The following CDIP1 variants were observed in gnomAD, a reference collection of about 807,000 sequenced individuals.
The protein encoded by CDIP1 is cell death inducing p53 target 1, also known as cell death-inducing p53-target protein 1.
CDIP1 carries 9 observed loss-of-function variants against 17.7 expected under a neutral mutation model. The observed-to-expected ratio is 0.51, with a 90% confidence interval of 0.31 to 0.89. The LOEUF (loss-of-function observed/expected upper bound fraction) is 0.89, where lower values mean the gene tolerates loss of function less well. Ranked by LOEUF, CDIP1 falls within the 40% of genes least tolerant of loss-of-function variation. The pLI is 0.05. For missense variants in CDIP1, 263 were observed against 277.9 expected, an observed-to-expected ratio of 0.95 and a Z score of 0.38; for synonymous variants, 117 against 109.5, an observed-to-expected ratio of 1.07 and a Z score of -0.43.
At chr16:4,538,085 T>A (rs2059128817) in intron 1 of CDIP1, among the ~76,000 whole-genome samples, 1 of 150,990 alleles carries the variant, frequency 6.6e-6, no homozygotes, top group South Asian at 2.1e-4. Context: ...ACCCCTCCCC[T>A]CCCCGTCTCG....
rs1024441514 is a variant in CDIP1 at position 4,510,789 on chromosome 16, T to A, written c.*1783A>T. On this transcript the variant is annotated 3_prime_UTR_variant, in exon 6 of 6. Coordinates refer to ENST00000567695, the MANE Select transcript of CDIP1 (RefSeq NM_013399.3). Reference sequence around the variant, plus strand: ...AGGGTTAAAAAGTAGGGAAACTCTTTAAACTACTGACCAAGACTGCCACCT... The same window carrying A: ...AGGGTTAAAAAGTAGGGAAACTCTTAAAACTACTGACCAAGACTGCCACCT... The A allele has an allele frequency of 2.6e-5, 4 of 152,230 alleles. No homozygotes were observed. Among genetic ancestry groups the A allele is most frequent in the African/African-American group, 9.6e-5 (4 of 41,464 alleles). 9.4% of individuals were successfully genotyped at this position (152,230 alleles called of 1,614,324 possible).
Position 4,512,734 on chromosome 16 carries a change from G to C in CDIP1, c.516-51C>G. 1.2e-6 allele frequency: 2 copies of C among 1,605,052 alleles called. No homozygotes were observed. The highest frequency in any genetic ancestry group is 1.7e-6 in the Non-Finnish European group (2 of 1,173,532). ...GCTGAGGCCTGCTGCGGAGGAGGCAGAGGCAGCCAGTTGACCCTGGTGCAG... is the reference window on the plus strand; with the variant it reads ...GCTGAGGCCTGCTGCGGAGGAGGCACAGGCAGCCAGTTGACCCTGGTGCAG... On this transcript the variant is annotated intron_variant, in intron 5 of 5. Coordinates refer to ENST00000567695, the MANE Select transcript of CDIP1 (RefSeq NM_013399.3). This position sits in a 1 kb window ranked among gnomAD's most constrained non-coding sequence, Gnocchi z 4.6.
At chr16:4,534,825 T>A (rs1170950300) in intron 1 of CDIP1, among the ~76,000 whole-genome samples, 8 of 151,922 alleles carry the variant, frequency 5.3e-5, no homozygotes, top group African/African-American at 1.7e-4. Context: ...TTCAACTGAT[T>A]CTCCTGTCTC....
At chr16:4,530,855 T>G (rs1372009590) in intron 1 of CDIP1, among the ~76,000 whole-genome samples, 2 of 151,682 alleles carry the variant, frequency 1.3e-5, no homozygotes, top group Non-Finnish European at 2.9e-5. Context: ...AAGAAAGAAA[T>G]AGTATATAGA....
Position 4,514,620 on chromosome 16 carries a change from C to A in CDIP1, c.-60G>T. ...AGAAGGGAGGCAGGTGAGGCTCCTT[C>A]AGCTGCTGGCCTGGATGGACAGGGA... On this transcript the variant is annotated 5_prime_UTR_variant, in exon 2 of 6. Transcript: ENST00000567695. This position sits in a 1 kb window ranked among gnomAD's most constrained non-coding sequence, Gnocchi z 5.2. 6.5e-6 allele frequency: 1 copy of A among 154,792 alleles called. No homozygotes were observed. The highest frequency in any genetic ancestry group is 1.4e-5 in the Non-Finnish European group (1 of 69,776). 9.6% of individuals were successfully genotyped at this position (154,792 alleles called of 1,614,324 possible). A position where few individuals can be genotyped will look rare whatever the true frequency, so the allele number is the denominator to read the frequency against.
Position 4,521,862 on chromosome 16 carries a change from G to A in CDIP1, c.-104-7198C>T, listed in dbSNP as rs375068720. 1.2e-4 allele frequency among the ~76,000 whole-genome samples: 19 copies of A among 152,248 alleles called. No homozygotes were observed. The South Asian group carries it at 3.9e-3, about 32-fold the overall frequency. The stretch of plus-strand genomic sequence containing the variant: ...TGCCTACCTCTCAGGGTGGGAGTGA[G>A]GTTGAAGAGAGACTGTGTGTGAAAC... On this transcript the variant is annotated intron_variant, in intron 1 of 5. Transcript: ENST00000567695.
rs1455162411 is a variant in CDIP1, at chr16:4,513,515, T to G, written c.241+181A>C. On this transcript the variant is annotated intron_variant, in intron 4 of 5. Transcript: ENST00000567695. This position sits in a 1 kb window ranked among gnomAD's most constrained non-coding sequence, Gnocchi z 4.1. ...TCCTGACCAGCCTGAATAAGAGCAGTCCCACCTTCCCACGTCCACAGTCCC... is the reference window on the plus strand; with the variant it reads ...TCCTGACCAGCCTGAATAAGAGCAGGCCCACCTTCCCACGTCCACAGTCCC... 6.6e-6 allele frequency among the ~76,000 whole-genome samples: 1 copy of G among 152,078 alleles called. No homozygotes were observed. The highest frequency in any genetic ancestry group is 1.5e-5 in the Non-Finnish European group (1 of 68,002).
At chr16:4,530,968 A>C (rs1382797352) in intron 1 of CDIP1, among the ~76,000 whole-genome samples, 6 of 152,222 alleles carry the variant, frequency 3.9e-5, no homozygotes, top group African/African-American at 1.4e-4. Context: ...CTGGGACAGA[A>C]GACTTATTCT....
At chr16:4,529,723 A>C (rs2059035833) in intron 1 of CDIP1, among the ~76,000 whole-genome samples, 2 of 152,226 alleles carry the variant, frequency 1.3e-5, no homozygotes. Context: ...AGCAGACACA[A>C]AATGGACAGT....
chr16:4,521,725 C>CG (rs1352197550), intron 1 of CDIP1, among the ~76,000 whole-genome samples: 19 of 140,086 alleles, frequency 1.4e-4, no homozygotes, highest in Admixed American at 1.1e-3. Flanking sequence ...AAAAAAAAGG[C>CG]GGGGGGGCCC....
At chr16:4,536,851 G>C (rs1221068325) in intron 1 of CDIP1, 1 of 151,928 alleles carries the variant, frequency 6.6e-6, no homozygotes, top group African/African-American at 2.4e-5. Flanking sequence ...GATCGCTGGA[G>C]ACAAGGAGTT....
chr16:4,527,812 T>A (rs566406679), intron 1 of CDIP1, among the ~76,000 whole-genome samples: 6 of 152,080 alleles, frequency 3.9e-5, no homozygotes, highest in Non-Finnish European at 8.8e-5. Flanking sequence ...TAAAAAATGA[T>A]ATAGTTTTGT....
At chr16:4,534,251 C>T (rs895315844) in intron 1 of CDIP1, among the ~76,000 whole-genome samples, 1 of 152,152 alleles carries the variant, frequency 6.6e-6, no homozygotes, top group Non-Finnish European at 1.5e-5. Flanking sequence ...GCACCCAGCC[C>T]CTTCTGTGCC....
rs1393106563 is a variant in CDIP1 at position 4,513,088 on chromosome 16, G to A, written c.242-24C>T. The A allele has an allele frequency of 1.3e-6, 2 of 1,561,898 alleles. No individual in the cohort carries two copies. Among genetic ancestry groups the A allele is most frequent in the African/African-American group, 1.4e-5 (1 of 73,890 alleles). On this transcript the variant is annotated intron_variant, in intron 4 of 5. Coordinates refer to ENST00000567695, the MANE Select transcript of CDIP1 (RefSeq NM_013399.3). The surrounding 1 kb of genome is among the most constrained non-coding windows in gnomAD (Gnocchi z 4.1). Reference sequence around the variant, plus strand: ...ACCTGGAATGGCACAGAAGATGGAGGCGAGAGGTCACTGGCCTGCCACCTG... The same window carrying A: ...ACCTGGAATGGCACAGAAGATGGAGACGAGAGGTCACTGGCCTGCCACCTG...
intron 1 of CDIP1, among the ~76,000 whole-genome samples, chr16:4,517,969 C>G (rs1328170037): frequency 6.6e-6 from 1 of 152,220 alleles, no homozygotes; most frequent in Non-Finnish European, 1.5e-5. Context: ...AGAAAATGCT[C>G]TCTGGCGCCT....
chr16:4,536,701 G>C (rs542584907), intron 1 of CDIP1: 31 of 150,184 alleles, frequency 2.1e-4, no homozygotes, highest in African/African-American at 7.6e-4. Context: ...CTTTGGGAGG[G>C]TGAGGCAAGA....
rs991451095 is a variant in CDIP1, at chr16:4,511,494, G to C, written c.*1078C>G. The C allele has an allele frequency of 1.3e-5, 2 of 152,546 alleles. No individual in the cohort carries two copies. The highest frequency in any genetic ancestry group is 2.9e-5 in the Non-Finnish European group (2 of 68,138). The allele number at this position is 152,546 out of a possible 1,614,324, so 9.4% of individuals were successfully genotyped here. A position where few individuals can be genotyped will look rare whatever the true frequency, so the allele number is the denominator to read the frequency against. ...ACCATTCAGGAAATAAAGACAGGGC[G>C]AGGCTGGTGTCCACCAAGGCAGTTC... On this transcript the variant is annotated 3_prime_UTR_variant, in exon 6 of 6. Coordinates refer to ENST00000567695, the MANE Select transcript of CDIP1 (RefSeq NM_013399.3).
rs557822609 is a variant in CDIP1, at chr16:4,519,587, T to C, written c.-104-4923A>G. Among the ~76,000 whole-genome samples the C allele has an allele frequency of 2.5e-3, 377 of 152,298 alleles. 6 individuals are homozygous for C. Among genetic ancestry groups the C allele is most frequent in the Non-Finnish European group, 2.9e-3 (200 of 68,020 alleles). On this transcript the variant is annotated intron_variant, in intron 1 of 5. Transcript: ENST00000567695. ...GAAGGCCCTTGCCAGATGCTGGCAGTGCCTTGATCCTGGACTTCCCAAGCA... is the reference window on the plus strand; with the variant it reads ...GAAGGCCCTTGCCAGATGCTGGCAGCGCCTTGATCCTGGACTTCCCAAGCA...
chr16:4,522,709 T>C (rs547503340), intron 1 of CDIP1, among the ~76,000 whole-genome samples: 106 of 152,236 alleles, frequency 7.0e-4, no homozygotes, highest in Non-Finnish European at 1.0e-4. Flanking sequence ...AAGCAAGAAG[T>C]GAGCCAGAAG....
Sources: allele counts gnomAD v4.1 joint callset (sites outside exome capture counted in the v4.1 genomes callset), GRCh38; gene constraint gnomAD v4.1.1; non-coding constraint Gnocchi (gnomAD v3.1); transcripts MANE v1.5; gene names NCBI Gene and HGNC (gene_info 2026-07-23, HGNC 2026-07-21).